RSPO4: variants seen among roughly 807,000 people sequenced by gnomAD.
RSPO4 encodes R-spondin-4.
In RSPO4, 23 loss-of-function variants were observed where a neutral mutation model predicts 24.8. The observed-to-expected ratio is 0.93, with a 90% CI of 0.67 to 1.31. The LOEUF is 1.31. RSPO4 is among the 40% of genes most tolerant of loss of function. The pLI is 0.00. For missense variants in RSPO4, 333 were observed against 316.5 expected (o/e 1.05, Z -0.39); for synonymous variants, 141 against 127.4 (o/e 1.11, Z -0.72).
intron 1 of RSPO4, among the ~76,000 whole-genome samples, chr20:989,614 T>G (rs1985032694): frequency 6.6e-6 from 1 of 152,140 alleles, no homozygotes; most frequent in Non-Finnish European, 1.5e-5. Context: ...GGCTCCACCT[T>G]GGAAACCTCT....
At chr20:997,435 AT>A (rs1985330346) in intron 1 of RSPO4, among the ~76,000 whole-genome samples, 1 of 152,158 alleles carries the variant, frequency 6.6e-6, no homozygotes, top group South Asian at 2.1e-4. Flanking sequence ...TCAGATTTCC[AT>A]TTCTCAACCA....
intron 1 of RSPO4, among the ~76,000 whole-genome samples, chr20:996,114 A>G (rs1985276567): frequency 6.6e-6 from 1 of 152,176 alleles, no homozygotes; most frequent in Non-Finnish European, 1.5e-5. Context: ...GGAGTACATG[A>G]CAGATTGTAT....
chr20:995,547 GA>G (rs34969440), intron 1 of RSPO4, among the ~76,000 whole-genome samples: 15,711 of 152,096 alleles, frequency 0.1, 1,049 homozygotes, highest in Non-Finnish European at 0.16. Context: ...CACCTTCCAG[GA>G]GCTAAAATCC....
chr20:967,122 C>T (rs549245660), intron 3 of RSPO4, 52 bp downstream of exon 3: 37 of 1,580,232 alleles, frequency 2.3e-5, no homozygotes, highest in African/African-American at 8.1e-5. Flanking sequence ...ACCAAGCCCC[C>T]GCTCCAGGGA....
Position 960,219 on chromosome 20 carries a change from A to G in RSPO4, c.*138T>C, listed in dbSNP as rs1410492291. The G allele has an allele frequency of 1.3e-5, 8 of 638,986 alleles. No homozygotes were observed. In the East Asian group the frequency reaches 1.9e-4, roughly 15 times the overall value. The allele number at this position is 638,986 out of a possible 1,614,324, so 39.6% of individuals were successfully genotyped here. A position where few individuals can be genotyped will look rare whatever the true frequency, so the allele number is the denominator to read the frequency against. ...AGAAAGGGAAGGTAGACTGACAGAA[A>G]AATGATAGAAGGGTGGAAAGAAAGA... On this transcript the variant is annotated 3_prime_UTR_variant, in exon 5 of 5. Coordinates refer to ENST00000217260, the MANE Select transcript of RSPO4 (RefSeq NM_001029871.4).
intron 3 of RSPO4, 138 bp downstream of exon 3, chr20:967,036 T>C (rs1285638064): frequency 2.2e-5 from 17 of 784,674 alleles, no homozygotes; most frequent in Non-Finnish European, 3.4e-5. Context: ...CCAGTGTACC[T>C]GACATGGTGG....
chr20:960,410 T>C lies in RSPO4; in HGVS notation c.652A>G (p.Lys218Glu), dbSNP rs773501751. 6.5e-7 allele frequency: 1 copy of C among 1,539,732 alleles called. No homozygotes were observed. The highest frequency in any genetic ancestry group is 8.7e-7 in the Non-Finnish European group (1 of 1,147,628). ...CTCACGTCCAGCCTGCGGTCCAGCT[T>C]CCTGTCCTTGCGTGGGCGCCGGTCC... ...RKDRRPRKDR[K>E]LDRRLDVRPR... The change falls in exon 5 of 5, where the codon AAG becomes GAG. Residue 218 changes from lysine to glutamate, a missense_variant. Coordinates refer to ENST00000217260, the MANE Select transcript of RSPO4 (RefSeq NM_001029871.4).
At chr20:961,434 C>T (rs545129609) in intron 4 of RSPO4, among the ~76,000 whole-genome samples, 20 of 152,318 alleles carry the variant, frequency 1.3e-4, no homozygotes, top group Middle Eastern at 3.4e-3. Context: ...AGTTTTATTC[C>T]TTGGGTGTCA....
intron 1 of RSPO4, among the ~76,000 whole-genome samples, chr20:988,697 C>T (rs6133671): frequency 0.085 from 12,898 of 152,112 alleles, 601 homozygotes; most frequent in East Asian, 0.15. Flanking sequence ...ATTACAGGCA[C>T]CCACCACCAT....
intron 1 of RSPO4, among the ~76,000 whole-genome samples, chr20:989,262 A>T (rs1165287768): frequency 6.6e-6 from 1 of 152,146 alleles, no homozygotes; most frequent in East Asian, 1.9e-4. Context: ...GGCAGCAGGG[A>T]ACCCAGGTTT....
chr20:997,049 G>GGCTCA (rs1985313385), intron 1 of RSPO4, among the ~76,000 whole-genome samples: 1 of 152,260 alleles, frequency 6.6e-6, no homozygotes, highest in Non-Finnish European at 1.5e-5. Flanking sequence ...TCCAGGTCCT[G>GGCTCA]GCTCAGCAGC....
intron 1 of RSPO4, among the ~76,000 whole-genome samples, chr20:992,362 G>A (rs1020164937): frequency 6.6e-6 from 1 of 150,932 alleles, no homozygotes; most frequent in Non-Finnish European, 1.5e-5. Flanking sequence ...AGAGAGGGTG[G>A]GTCACTGTGC....
chr20:973,443 GT>G (rs1189799913), intron 1 of RSPO4, among the ~76,000 whole-genome samples: 1 of 136,850 alleles, frequency 7.3e-6, no homozygotes, highest in African/African-American at 2.9e-5. Flanking sequence ...AGCACTATTT[GT>G]TTTTTGTTTG....
chr20:959,065 CTGGTGGTGGGTGTGGGCGAGTG>C lies in RSPO4; in HGVS notation c.*1270_*1291del, dbSNP rs768666400. ...CAGCGAAGCACAGATGCTCAAGTCA[CTGGTGGTGGGTGTGGGCGAGTG>C]TGGTGGTGGGTGTGGGGGAGTGTGG... is the stretch of plus-strand genomic sequence containing the variant. On this transcript the variant is annotated 3_prime_UTR_variant, in exon 5 of 5. Coordinates refer to ENST00000217260, the MANE Select transcript of RSPO4 (RefSeq NM_001029871.4). 0.096 allele frequency: 14,361 copies of C among 148,986 alleles called. 1,041 individuals carry two copies. Among genetic ancestry groups the C allele is most frequent in the East Asian group, 0.18 (874 of 4,872 alleles). 9.2% of individuals were successfully genotyped at this position (148,986 alleles called of 1,614,324 possible).
chr20:966,054 G>A (rs1299102565), intron 3 of RSPO4, among the ~76,000 whole-genome samples: 1 of 152,190 alleles, frequency 6.6e-6, no homozygotes, highest in African/African-American at 2.4e-5. Context: ...CCCAGAGGGA[G>A]CGTTAGGTGG....
chr20:967,340 G>A, intron 2 of RSPO4, 26 bp from the exon 3 acceptor site: 1 of 1,613,246 alleles, frequency 6.2e-7, no homozygotes. Context: ...GGACACCCCA[G>A]GTGAGGGAGA....
At chr20:964,743 CATAT>C (rs200525511) in intron 3 of RSPO4, among the ~76,000 whole-genome samples, 2 of 147,150 alleles carry the variant, frequency 1.4e-5, no homozygotes, top group East Asian at 3.9e-4. Flanking sequence ...CACACACACA[CATAT>C]ATATACACAT....
chr20:1,002,204 C>CAGTGAGTCAAGGACTGAGCT lies in RSPO4; in HGVS notation c.-41_-40insAGCTCAGTCCTTGACTCACT. Reference sequence around the variant, plus strand: ...CCGGGCTGGCGCTCCCCAGGCGGCCCGACGGCCCAAGGGCCCCACGTCCCG... The same window carrying CAGTGAGTCAAGGACTGAGCT: ...CCGGGCTGGCGCTCCCCAGGCGGCCCAGTGAGTCAAGGACTGAGCTGACGGCCCAAGGGCCCCACGTCCCG... On this transcript the variant is annotated 5_prime_UTR_variant, in exon 1 of 5. An upstream open reading frame in the 5' UTR gains an earlier in-frame stop. Transcript: ENST00000217260. This position sits in a 1 kb window ranked among gnomAD's most constrained non-coding sequence, Gnocchi z 4.6. 6.8e-7 allele frequency: 1 copy of CAGTGAGTCAAGGACTGAGCT among 1,477,570 alleles called. No homozygotes were observed. Among genetic ancestry groups the CAGTGAGTCAAGGACTGAGCT allele is most frequent in the Non-Finnish European group, 9.0e-7 (1 of 1,109,180 alleles). 91.5% of individuals were successfully genotyped at this position (1,477,570 alleles called of 1,614,324 possible).
chr20:1,000,798 C>G (rs1452019801), intron 1 of RSPO4, among the ~76,000 whole-genome samples: 1 of 152,116 alleles, frequency 6.6e-6, no homozygotes, highest in Non-Finnish European at 1.5e-5. Context: ...AGCTGAAAAC[C>G]ACACGCCTCT....
Sources: gnomAD v4.1 joint callset for allele counts (sites outside exome capture counted in the v4.1 genomes callset) on GRCh38, gnomAD v4.1.1 for gene constraint, Gnocchi (gnomAD v3.1) non-coding constraint, MANE v1.5 for transcripts, NCBI Gene and HGNC (gene_info 2026-07-23, HGNC 2026-07-21) for gene names.